Variants in PSIP1 observed in about 807,000 individuals in gnomAD.
The protein encoded by PSIP1 is PC4 and SRSF1 interacting protein 1.
Under a neutral mutation model 74.7 loss-of-function variants are expected in PSIP1, and 19 were observed. The observed-to-expected ratio is 0.25, with a 90% CI of 0.18 to 0.37. The LOEUF is 0.37. Among genes scored for constraint, PSIP1 ranks in the 10% least tolerant of loss-of-function variants. The pLI, the probability that PSIP1 is intolerant of heterozygous loss-of-function variation, is 1.00. For missense variants in PSIP1, 601 were observed against 614.3 expected (o/e 0.98, Z 0.23); for synonymous variants, 222 against 195.3 (o/e 1.14, Z -1.14).
In PSIP1 at chr9:15,472,710, C is replaced by A; in HGVS notation, c.899G>T (p.Arg300Met). 2.5e-6 allele frequency: 4 copies of A among 1,606,274 alleles called. No homozygotes were observed. The highest frequency in any genetic ancestry group is 3.4e-6 in the Non-Finnish European group (4 of 1,178,126). Reference protein sequence around the residue: ...GGRNFQTAHRRNMLKGQHEKE... With the variant: ...GGRNFQTAHRMNMLKGQHEKE... ...CTCATGTTGGCCTTTCAGCATATTC[C>A]TTCTGTGAGCAGTCTGAAAGTTCCT... The change falls in exon 10 of 16, where the codon AGG becomes ATG. Residue 300 changes from arginine to methionine, a missense_variant. By Grantham distance (91) the Arg-to-Met change is moderately conservative. This residue lies in a region of PSIP1 where 538 missense variants were observed against 507.6 expected (regional missense o/e 1.06). Transcript: ENST00000380733.
chr9:15,471,236 GAATAC>G, intron 10 of PSIP1: 3 of 1,602,150 alleles, frequency 1.9e-6, no homozygotes, highest in Non-Finnish European at 2.6e-6. Context: ...GTTTGGCTGG[GAATAC>G]AATACAATAA....
At chr9:15,494,273 C>T (rs1262395702) in intron 3 of PSIP1, among the ~76,000 whole-genome samples, 2 of 152,048 alleles carry the variant, frequency 1.3e-5, no homozygotes, top group African/African-American at 4.8e-5. Context: ...CTTAAGAGTT[C>T]TATTTAAATA....
chr9:15,488,817 C>T (rs201326062), intron 4 of PSIP1, among the ~76,000 whole-genome samples: 197 of 151,260 alleles, frequency 1.3e-3, no homozygotes, highest in African/African-American at 3.5e-3. Context: ...GTCAGGAGAT[C>T]GAGACCATCC....
At chr9:15,469,450 C>G in intron 11 of PSIP1, 114 bp from the exon 12 acceptor site, 6 of 622,082 alleles carry the variant, frequency 9.6e-6, no homozygotes, top group Non-Finnish European at 1.4e-5. Context: ...TCTTAGTAAT[C>G]TTTACTAAGA....
intron 1 of PSIP1, 66 bp from the exon 2 acceptor site, chr9:15,510,395 GAGGGGAACC>G: frequency 3.1e-6 from 1 of 325,940 alleles, no homozygotes; most frequent in Non-Finnish European, 5.7e-6. Context: ...AGGGGAGGGG[GAGGGGAACC>G]GGCGGGTGGG....
At chr9:15,493,738 C>T (rs1277782992) in intron 3 of PSIP1, among the ~76,000 whole-genome samples, 1 of 152,192 alleles carries the variant, frequency 6.6e-6, no homozygotes, top group African/African-American at 2.4e-5. Flanking sequence ...AAATGCCAGA[C>T]ACTTATGAAA....
intron 5 of PSIP1, among the ~76,000 whole-genome samples, chr9:15,486,568 C>A (rs895526496): frequency 6.6e-6 from 1 of 152,220 alleles, no homozygotes; most frequent in Non-Finnish European, 1.5e-5. Flanking sequence ...ATCCTTAACA[C>A]TACCGCACCC....
intron 3 of PSIP1, chr9:15,505,461 T>A (rs2037542889): frequency 6.6e-6 from 1 of 152,226 alleles, no homozygotes; most frequent in South Asian, 2.1e-4. Flanking sequence ...CACTTGAACC[T>A]AACTCTAATT....
At chr9:15,488,390 G>A (rs569553243) in intron 4 of PSIP1, among the ~76,000 whole-genome samples, 4 of 152,110 alleles carry the variant, frequency 2.6e-5, no homozygotes, top group South Asian at 2.1e-4. Flanking sequence ...TTGCTACCTC[G>A]CTTCTTTAGA....
intron 12 of PSIP1, 22 bp downstream of exon 12, chr9:15,469,244 T>A: frequency 6.9e-7 from 1 of 1,447,274 alleles, no homozygotes; most frequent in Non-Finnish European, 9.5e-7. Flanking sequence ...TACTGAAGTA[T>A]TAAATGAAGT....
chr9:15,491,142 C>T (rs536388291), intron 3 of PSIP1, among the ~76,000 whole-genome samples: 2 of 152,330 alleles, frequency 1.3e-5, no homozygotes, highest in South Asian at 4.1e-4. Flanking sequence ...AACTCATTAA[C>T]ACTGAACTCA....
intron 10 of PSIP1, chr9:15,471,449 G>T (rs1429992869): frequency 2.1e-6 from 3 of 1,424,566 alleles, no homozygotes; most frequent in Admixed American, 5.3e-5. Flanking sequence ...AAGAAGGGTT[G>T]GGCTACATAT....
chr9:15,509,395 T>C (rs1472392547), intron 2 of PSIP1, among the ~76,000 whole-genome samples: 1 of 152,164 alleles, frequency 6.6e-6, no homozygotes, highest in Non-Finnish European at 1.5e-5. Context: ...AATTCCTCAA[T>C]GTCACAAAAC....
intron 8 of PSIP1, among the ~76,000 whole-genome samples, chr9:15,477,370 T>C (rs768082893): frequency 8.5e-5 from 13 of 152,142 alleles, no homozygotes; most frequent in Admixed American, 3.3e-4. Context: ...TCTACTCTCT[T>C]AGTAATTTTC....
intron 3 of PSIP1, among the ~76,000 whole-genome samples, chr9:15,502,995 C>T (rs78684253): frequency 0.01 from 1,533 of 152,286 alleles, 20 homozygotes; most frequent in African/African-American, 0.035. Context: ...AAACCAGTTA[C>T]GAATTAGTAC....
At chr9:15,507,351 G>A (rs768830347) in intron 2 of PSIP1, among the ~76,000 whole-genome samples, 44 of 152,266 alleles carry the variant, frequency 2.9e-4, no homozygotes, top group Non-Finnish European at 4.9e-4. Flanking sequence ...TATCTAGCTA[G>A]AATTTAACAA....
chr9:15,473,082 G>C (rs1163511367), intron 9 of PSIP1, among the ~76,000 whole-genome samples: 1 of 152,010 alleles, frequency 6.6e-6, no homozygotes, highest in Non-Finnish European at 1.5e-5. Flanking sequence ...TAAAATGTTT[G>C]GTTTCTAAAA....
intron 9 of PSIP1, 81 bp downstream of exon 9, chr9:15,473,928 A>AC: frequency 1.2e-5 from 10 of 806,910 alleles, no homozygotes; most frequent in South Asian, 3.2e-5. Context: ...AAAAAAAAAC[A>AC]AAAAAAAAAC....
chr9:15,474,364 C>A, intron 8 of PSIP1, 127 bp from the exon 9 acceptor site: 1 of 752,298 alleles, frequency 1.3e-6, no homozygotes, highest in Non-Finnish European at 2.0e-6. Flanking sequence ...CTTCACTATC[C>A]AATCATAAAA....
Sources: allele counts gnomAD v4.1 joint callset (sites outside exome capture counted in the v4.1 genomes callset), GRCh38; gene constraint gnomAD v4.1.1; regional missense constraint gnomAD v4.1.1; transcripts MANE v1.5; gene names NCBI Gene and HGNC (gene_info 2026-07-23, HGNC 2026-07-21).